Variants in COG6 observed in about 807,000 individuals in gnomAD.
The protein encoded by COG6 is component of oligomeric golgi complex 6, also known as conserved oligomeric Golgi complex subunit 6.
In COG6, 74 loss-of-function variants were observed where a neutral mutation model predicts 88.8. The observed-to-expected ratio is 0.83, with a 90% CI of 0.69 to 1.01. COG6 has a LOEUF of 1.01. COG6 is among the 50% of genes least tolerant of loss of function. COG6 has a pLI of 0.00. For missense variants in COG6, 800 were observed against 797.9 expected, an observed-to-expected ratio of 1.00 and a Z score of -0.03; for synonymous variants, 286 against 278.7, an observed-to-expected ratio of 1.03 and a Z score of -0.26.
At chr13:39,704,367 T>A (rs1877766043) in intron 13 of COG6, among the ~76,000 whole-genome samples, 1 of 152,176 alleles carries the variant, frequency 6.6e-6, no homozygotes, top group East Asian at 1.9e-4. Flanking sequence ...ACATAAGCAG[T>A]CAACTCATTT....
In COG6 at chr13:39,699,520, G is replaced by A. The variant is rs1470825782; in HGVS notation, c.1186G>A (p.Ala396Thr). 6.4e-7 allele frequency: 1 copy of A among 1,574,440 alleles called. No homozygotes were observed. Reference sequence around the variant, plus strand: ...TTTTAGTGGTATTGTTGGAAATAGTGCAACTGCATTATTGACTACCATTGA... The same window carrying A: ...TTTTAGTGGTATTGTTGGAAATAGTACAACTGCATTATTGACTACCATTGA... ...HTISGIVGNS[A>T]TALLTTIEEM... Residue 396 changes from alanine (A) to threonine (T), a missense_variant, in exon 13 of 19, where the codon GCA becomes ACA. Coordinates refer to ENST00000455146, the MANE Select transcript of COG6 (RefSeq NM_020751.3).
chr13:39,724,762 C>T (rs1172571856), intron 17 of COG6, among the ~76,000 whole-genome samples: 1 of 151,714 alleles, frequency 6.6e-6, no homozygotes, highest in Non-Finnish European at 1.5e-5. Context: ...TAGTAGTGTT[C>T]CACTATGCTC....
intron 4 of COG6, among the ~76,000 whole-genome samples, chr13:39,676,325 G>A (rs2137980092): frequency 6.6e-6 from 1 of 152,186 alleles, no homozygotes. Flanking sequence ...CATGAAATTG[G>A]ACTGGGCAAG....
At chr13:39,719,599 T>G in intron 14 of COG6, 61 bp from the exon 15 acceptor site, 1 of 1,493,524 alleles carries the variant, frequency 6.7e-7, no homozygotes, top group Non-Finnish European at 9.3e-7. Context: ...TTAAATATCA[T>G]TAACCCAAGA....
At chr13:39,698,734 T>C (rs17445452) in intron 12 of COG6, among the ~76,000 whole-genome samples, 9,652 of 151,956 alleles carry the variant, frequency 0.064, 391 homozygotes, top group Non-Finnish European at 0.094. Flanking sequence ...TTATAATTCC[T>C]TACTGGATTA....
chr13:39,727,553 G>A lies in COG6; in HGVS notation c.1826+5G>A. 1 of 1,605,664 alleles carries A rather than the reference G, an allele frequency of 6.2e-7. No individual in the cohort carries two copies. ...TCTTCTAAGTGCCACAGTGAAGTAA[G>A]TATTTTTGGTCCCAAGTAGTTGGTA... is the stretch of plus-strand genomic sequence containing the variant. On this transcript the variant is annotated splice_donor_5th_base_variant and intron_variant, in intron 18 of 18. Transcript: ENST00000455146.
At chr13:39,718,032 T>C (rs1878625375) in intron 13 of COG6, among the ~76,000 whole-genome samples, 1 of 152,200 alleles carries the variant, frequency 6.6e-6, no homozygotes. Context: ...ATGATTTTCT[T>C]CAGTCTTTGA....
intron 4 of COG6, among the ~76,000 whole-genome samples, chr13:39,668,406 A>G (rs1373899778): frequency 2.6e-5 from 4 of 152,122 alleles, no homozygotes; most frequent in Non-Finnish European, 5.9e-5. Flanking sequence ...TAATTCTCTC[A>G]TCTCCTAACT....
chr13:39,706,239 ATATATATATACTCCTT>A (rs1390536354), intron 13 of COG6, among the ~76,000 whole-genome samples: 13 of 124,458 alleles, frequency 1.0e-4, no homozygotes, highest in African/African-American at 1.7e-4. Context: ...ACTCCTTTAT[ATATATATATACTCCTT>A]TATATATATA....
At chr13:39,789,207 T>TA (rs1881865084) in exon 19 of COG6, 1 of 152,222 alleles carries the variant, frequency 6.6e-6, no homozygotes, top group South Asian at 2.1e-4. Context: ...TGCTCAATGA[T>TA]ATGTTTTGCA....
At chr13:39,705,393 T>C (rs1209424627) in intron 13 of COG6, among the ~76,000 whole-genome samples, 1 of 152,118 alleles carries the variant, frequency 6.6e-6, no homozygotes, top group Non-Finnish European at 1.5e-5. Flanking sequence ...AGCACTTGAG[T>C]ATTCAAGTAG....
chr13:39,756,091 A>G (rs561625338), downstream of COG6, among the ~76,000 whole-genome samples: 1 of 152,340 alleles, frequency 6.6e-6, no homozygotes, highest in African/African-American at 2.4e-5. Context: ...CTGAAGAACT[A>G]AAGTATGAGA....
chr13:39,742,449 C>G (rs919567886), intron 18 of COG6, among the ~76,000 whole-genome samples: 1 of 151,854 alleles, frequency 6.6e-6, no homozygotes, highest in African/African-American at 2.4e-5. Flanking sequence ...GCAGGGGTTG[C>G]AATCCTAGTC....
chr13:39,776,559 A>G (rs1355069551), intron 18 of COG6, among the ~76,000 whole-genome samples: 3 of 152,240 alleles, frequency 2.0e-5, no homozygotes, highest in Admixed American at 2.0e-4. Context: ...TTCCTTTGGA[A>G]AATGAAGGAG....
At chr13:39,685,799 TA>T (rs1431309307) in intron 8 of COG6, among the ~76,000 whole-genome samples, 3 of 152,150 alleles carry the variant, frequency 2.0e-5, no homozygotes, top group African/African-American at 7.2e-5. Flanking sequence ...CTAATTTGTT[TA>T]AAAAATAGTA....
intron 13 of COG6, among the ~76,000 whole-genome samples, chr13:39,706,648 T>A (rs1413751317): frequency 1.3e-5 from 2 of 152,094 alleles, no homozygotes; most frequent in African/African-American, 4.8e-5. Context: ...GAATATGAAG[T>A]TTTCAATAGC....
At position 39,682,206 on chromosome 13, in the gene COG6, G is replaced by GT; in HGVS notation, c.731dup (p.Ser245IlefsTer19). 1 of 1,612,344 alleles carries GT rather than the reference G, an allele frequency of 6.2e-7. No individual in the cohort carries two copies. The highest frequency in any genetic ancestry group is 1.1e-5 in the South Asian group (1 of 91,026). The stretch of plus-strand genomic sequence containing the variant: ...AACATTGACACAAGAATCATGTGAC[G>GT]TATCTCCAGTATTGACACAGGCAAT... On this transcript the variant is annotated frameshift_variant, in exon 8 of 19. Transcript: ENST00000455146. LOFTEE classifies it high-confidence loss of function.
chr13:39,740,591 T>A (rs1470426260), intron 18 of COG6, among the ~76,000 whole-genome samples: 1 of 152,206 alleles, frequency 6.6e-6, no homozygotes, highest in Non-Finnish European at 1.5e-5. Flanking sequence ...ATTAGCTCTT[T>A]CTGTGTTGAG....
chr13:39,712,284 T>C (rs1475050098), intron 13 of COG6, among the ~76,000 whole-genome samples: 1 of 152,210 alleles, frequency 6.6e-6, no homozygotes, highest in Non-Finnish European at 1.5e-5. Context: ...AAGCCAGTTT[T>C]AGATGAATTA....
Sources: allele counts gnomAD v4.1 joint callset (sites outside exome capture counted in the v4.1 genomes callset), GRCh38; gene constraint gnomAD v4.1.1; transcripts MANE v1.5; gene names NCBI Gene and HGNC (gene_info 2026-07-23, HGNC 2026-07-21).